HSD17B12: variants seen among roughly 807,000 people sequenced by gnomAD.
HSD17B12 encodes the protein hydroxysteroid 17-beta dehydrogenase 12, also known as very-long-chain 3-oxoacyl-CoA reductase.
In HSD17B12, 32 loss-of-function variants were observed where a neutral mutation model predicts 39.3. The observed-to-expected ratio is 0.81, with a 90% CI of 0.61 to 1.09. The LOEUF is 1.09. HSD17B12 is among the 50% of genes least tolerant of loss of function. HSD17B12 has a pLI of 0.00. For missense variants in HSD17B12, 342 were observed against 382.9 expected (o/e 0.89, Z 0.89); for synonymous variants, 150 against 146.7 (o/e 1.02, Z -0.16).
chr11:43,589,871 G>A, the HSD17B12 span, among the ~76,000 whole-genome samples: 7 of 152,142 alleles, frequency 4.6e-5, no homozygotes, highest in South Asian at 2.1e-4. Context: ...TCAGCTGCAC[G>A]CCCTTCAGCA....
Position 43,831,159 on chromosome 11 carries a change from G to C in HSD17B12, c.536+149G>C. The C allele has an allele frequency of 1.6e-6, 1 of 615,440 alleles. No individual in the cohort carries two copies. 38.1% of individuals were successfully genotyped at this position (615,440 alleles called of 1,614,324 possible). ...AGAGTGATGTACCAGGCGAGTCACA[G>C]TAGAGCATGAGTCATCGGTGGTGGA... is the stretch of plus-strand genomic sequence containing the variant. On this transcript the variant is annotated intron_variant, in intron 7 of 10. Transcript: ENST00000278353. This position sits in a 1 kb window ranked among gnomAD's most constrained non-coding sequence, Gnocchi z 4.1.
Position 43,854,703 on chromosome 11 carries a change from T to C in HSD17B12, c.685-12T>C. ...AATGGCATGTTTTCTGGGGTGGGTG[T>C]TCCCTTTCTAGAGTGTCCTGCCATA... On this transcript the variant is annotated splice_polypyrimidine_tract_variant and intron_variant, in intron 9 of 10. Coordinates refer to ENST00000278353, the MANE Select transcript of HSD17B12 (RefSeq NM_016142.3). 6.2e-7 allele frequency: 1 copy of C among 1,612,728 alleles called. No homozygotes were observed. Among genetic ancestry groups the C allele is most frequent in the Non-Finnish European group, 8.5e-7 (1 of 1,179,882 alleles).
At chr11:43,663,966 G>A in the HSD17B12 span, among the ~76,000 whole-genome samples, 18 of 151,714 alleles carry the variant, frequency 1.2e-4, no homozygotes, top group African/African-American at 3.4e-4. Flanking sequence ...GGGTTCAAGC[G>A]ATTCTCCTGA....
the HSD17B12 span, among the ~76,000 whole-genome samples, chr11:43,590,500 T>TG: frequency 3.6e-5 from 4 of 112,426 alleles, no homozygotes; most frequent in Non-Finnish European, 5.4e-5. Context: ...TGTAGTGGAG[T>TG]GAGTGATTTT....
At chr11:43,705,280 A>G (rs185952790) in intron 1 of HSD17B12, among the ~76,000 whole-genome samples, 3 of 152,362 alleles carry the variant, frequency 2.0e-5, no homozygotes, top group South Asian at 4.1e-4. Flanking sequence ...TTTATACTTT[A>G]TAAAACCAAA....
chr11:43,746,367 T>A (rs549482770), intron 1 of HSD17B12, among the ~76,000 whole-genome samples: 2 of 152,342 alleles, frequency 1.3e-5, no homozygotes, highest in East Asian at 3.9e-4. Context: ...TGAAATTTTA[T>A]TTTTTACTTT....
intron 1 of HSD17B12, among the ~76,000 whole-genome samples, chr11:43,742,693 T>C (rs1261244462): frequency 6.6e-6 from 1 of 152,096 alleles, no homozygotes; most frequent in African/African-American, 2.4e-5. Flanking sequence ...CTAATTATTG[T>C]AGAACTACAG....
intron 3 of HSD17B12, among the ~76,000 whole-genome samples, chr11:43,787,160 G>T (rs950879951): frequency 6.6e-6 from 1 of 151,916 alleles, no homozygotes; most frequent in Admixed American, 6.6e-5. Flanking sequence ...CAGGCTGATC[G>T]CAAGCTACTG....
intron 1 of HSD17B12, among the ~76,000 whole-genome samples, chr11:43,689,808 C>G (rs1389054100): frequency 2.0e-5 from 3 of 152,114 alleles, no homozygotes; most frequent in Admixed American, 2.0e-4. Flanking sequence ...CTCAGCCTCC[C>G]AAAGTGCTGG....
intron 1 of HSD17B12, among the ~76,000 whole-genome samples, chr11:43,705,591 T>A (rs190874905): frequency 6.6e-6 from 1 of 152,270 alleles, no homozygotes; most frequent in East Asian, 1.9e-4. Flanking sequence ...CCAAATCCAA[T>A]AAGAAGTCAA....
At chr11:43,726,891 A>C (rs989867536) in intron 1 of HSD17B12, among the ~76,000 whole-genome samples, 5 of 152,332 alleles carry the variant, frequency 3.3e-5, no homozygotes, top group Admixed American at 3.3e-4. Context: ...AAAAATAGTT[A>C]AAGTTGGGAG....
the HSD17B12 span, among the ~76,000 whole-genome samples, chr11:43,587,143 T>C: frequency 8.5e-5 from 13 of 152,196 alleles, 1 homozygote. Flanking sequence ...TCTCCATCTA[T>C]AAAATTAAGT....
intron 1 of HSD17B12, among the ~76,000 whole-genome samples, chr11:43,730,109 A>C (rs1159754429): frequency 6.6e-6 from 1 of 151,892 alleles, no homozygotes; most frequent in Non-Finnish European, 1.5e-5. Flanking sequence ...ATAGTCATGG[A>C]CTCATAGGGT....
At chr11:43,563,383 C>G in the HSD17B12 span, among the ~76,000 whole-genome samples, 1 of 152,236 alleles carries the variant, frequency 6.6e-6, no homozygotes, top group African/African-American at 2.4e-5. Flanking sequence ...AATAAGCCAC[C>G]ATAGGCTTCT....
At chr11:43,755,173 GAGTT>G (rs1035171390) in intron 3 of HSD17B12, 12 of 269,396 alleles carry the variant, frequency 4.5e-5, no homozygotes, top group Non-Finnish European at 6.2e-5. Context: ...GTAAAAGCTA[GAGTT>G]AGTTCTATAA....
At chr11:43,833,032 CAAA>C (rs59191050) in intron 7 of HSD17B12, 4 of 123,622 alleles carry the variant, frequency 3.2e-5, no homozygotes, top group East Asian at 4.6e-4. Context: ...GACCCTGTCT[CAAA>C]AAAAAAAAAA....
chr11:43,845,510 T>A (rs1951466866), intron 9 of HSD17B12, among the ~76,000 whole-genome samples: 1 of 152,224 alleles, frequency 6.6e-6, no homozygotes, highest in Non-Finnish European at 1.5e-5. Flanking sequence ...AAAACCTTTG[T>A]GTTTCATGAC....
chr11:43,690,385 T>C lies in HSD17B12; in HGVS notation c.160+9398T>C, dbSNP rs1375660157. On this transcript the variant is annotated intron_variant, in intron 1 of 10. Coordinates refer to ENST00000278353, the MANE Select transcript of HSD17B12 (RefSeq NM_016142.3). The stretch of plus-strand genomic sequence containing the variant: ...ACATATATATATATATATATATATA[T>C]ATATATATATATATATATATTTTTT... Among the ~76,000 whole-genome samples the C allele has an allele frequency of 9.0e-3, 136 of 15,108 alleles. 9 individuals carry two copies. Among genetic ancestry groups the C allele is most frequent in the Admixed American group, 0.08 (112 of 1,406 alleles). The allele number at this position is 15,108 out of a possible 152,430, so 9.9% of individuals were successfully genotyped here.
chr11:43,677,791 T>C (rs1329026051), upstream of HSD17B12, among the ~76,000 whole-genome samples: 1 of 152,220 alleles, frequency 6.6e-6, no homozygotes, highest in East Asian at 1.9e-4. Context: ...TATATGGCTG[T>C]ATAGTATTCC....
Sources: gnomAD v4.1 joint callset for allele counts (sites outside exome capture counted in the v4.1 genomes callset) on GRCh38, gnomAD v4.1.1 for gene constraint, Gnocchi (gnomAD v3.1) non-coding constraint, MANE v1.5 for transcripts, NCBI Gene and HGNC (gene_info 2026-07-23, HGNC 2026-07-21) for gene names.